Variants in RSPO3 observed in about 807,000 individuals in gnomAD.
RSPO3 encodes R-spondin-3.
A neutral mutation model predicts 36.5 loss-of-function variants in RSPO3; 17 were observed. The ratio of observed to expected loss-of-function variants is 0.47; its 90% confidence interval spans 0.32 to 0.70. RSPO3 has a LOEUF of 0.70. RSPO3 is among the 30% of genes least tolerant of loss of function. The pLI is 0.04. For missense variants in RSPO3, 294 were observed against 322.5 expected (o/e 0.91, Z 0.68); for synonymous variants, 108 against 107.0 (o/e 1.01, Z -0.06).
intron 1 of RSPO3, among the ~76,000 whole-genome samples, chr6:127,128,567 G>C (rs1218975378): frequency 6.6e-6 from 1 of 152,056 alleles, no homozygotes; most frequent in Non-Finnish European, 1.5e-5. Context: ...TGCCAGTTTT[G>C]GGAAGGCTAG....
intron 1 of RSPO3, among the ~76,000 whole-genome samples, chr6:127,140,133 T>A (rs998427894): frequency 6.6e-6 from 1 of 152,134 alleles, no homozygotes; most frequent in Admixed American, 6.6e-5. Context: ...ATTAAGATAC[T>A]AAAAGAAATA....
rs1773774771 is a variant in RSPO3, at chr6:127,118,979, G to A, written c.-214G>A. On this transcript the variant is annotated 5_prime_UTR_variant, in exon 1 of 5. Coordinates refer to ENST00000356698, the MANE Select transcript of RSPO3 (RefSeq NM_032784.5). ...CCCAGCGAAGCCGCCGCAGTTCAGT[G>A]CTTGGATAATTTGAAAGTACAATAG... 2.5e-6 allele frequency: 1 copy of A among 402,278 alleles called. No homozygotes were observed. The highest frequency in any genetic ancestry group is 4.4e-6 in the Non-Finnish European group (1 of 228,032). The allele number at this position is 402,278 out of a possible 1,614,324, so 24.9% of individuals were successfully genotyped here.
chr6:127,162,559 A>C (rs970946652), intron 4 of RSPO3, among the ~76,000 whole-genome samples: 3 of 152,190 alleles, frequency 2.0e-5, no homozygotes, highest in African/African-American at 7.2e-5. Flanking sequence ...ATAAAATCTG[A>C]GGCCAAGATA....
intron 1 of RSPO3, among the ~76,000 whole-genome samples, chr6:127,127,643 C>T (rs1000629615): frequency 2.6e-5 from 4 of 152,080 alleles, no homozygotes; most frequent in African/African-American, 9.7e-5. Flanking sequence ...TCATTGATCA[C>T]TCAAGGAATT....
rs188520053 is a variant in RSPO3 at position 127,141,794 on chromosome 6, C to T, written c.98-6854C>T. ...TTAATGTATGTACTTTTGAGTTTGA[C>T]GAAAGACCAATAGAATTTGTATGTA... On this transcript the variant is annotated intron_variant, in intron 1 of 4. Coordinates refer to ENST00000356698, the MANE Select transcript of RSPO3 (RefSeq NM_032784.5). Among the ~76,000 whole-genome samples the T allele has an allele frequency of 2.9e-3, 441 of 152,162 alleles. 2 individuals are homozygous for T. The highest frequency in any genetic ancestry group is 9.6e-3 in the African/African-American group (398 of 41,530).
chr6:127,141,928 T>C (rs1386583044), intron 1 of RSPO3, among the ~76,000 whole-genome samples: 2 of 152,104 alleles, frequency 1.3e-5, no homozygotes, highest in East Asian at 3.9e-4. Flanking sequence ...CAAACACATA[T>C]GTGCACATAT....
chr6:127,188,222 C>T (rs1309929348), intron 4 of RSPO3, among the ~76,000 whole-genome samples: 1 of 151,968 alleles, frequency 6.6e-6, no homozygotes, highest in Admixed American at 6.6e-5. Flanking sequence ...ATTTAAACAA[C>T]AGAGAAAAAA....
intron 1 of RSPO3, among the ~76,000 whole-genome samples, chr6:127,120,224 C>T (rs1365326050): frequency 6.6e-6 from 1 of 152,160 alleles, no homozygotes; most frequent in African/African-American, 2.4e-5. Flanking sequence ...TAGAATCTTC[C>T]CAAGATGAAG....
intron 1 of RSPO3, among the ~76,000 whole-genome samples, chr6:127,147,913 T>C (rs1047898682): frequency 4.6e-5 from 7 of 152,118 alleles, no homozygotes; most frequent in Non-Finnish European, 4.4e-5. Flanking sequence ...TCATATATGA[T>C]CCACATGGAA....
intron 1 of RSPO3, among the ~76,000 whole-genome samples, chr6:127,123,558 C>T (rs967577789): frequency 6.6e-6 from 1 of 152,058 alleles, no homozygotes; most frequent in East Asian, 1.9e-4. Flanking sequence ...GGTTGTTTCT[C>T]AAAATATCCC....
rs1405524194 is a variant in RSPO3, at chr6:127,138,006, T to A, written c.98-10642T>A. ...CAATTATTTGTGAAGATAATAATAA[T>A]GTAATACTGAAAGTGTGGTATTTAT... On this transcript the variant is annotated intron_variant, in intron 1 of 4. Transcript: ENST00000356698. 2.6e-5 allele frequency among the ~76,000 whole-genome samples: 4 copies of A among 152,216 alleles called. No individual in the cohort carries two copies. In the East Asian group the frequency reaches 5.8e-4, roughly 22 times the overall value.
chr6:127,197,472 G>T lies in RSPO3; in HGVS notation c.*1465G>T. On this transcript the variant is annotated 3_prime_UTR_variant, in exon 5 of 5. Coordinates refer to ENST00000356698, the MANE Select transcript of RSPO3 (RefSeq NM_032784.5). ...GAAGGCCTCACCAGTGTTTCACAGA[G>T]GACACAGCCCACCCCTTGCAGGAGG... The T allele has an allele frequency of 6.4e-7, 1 of 1,550,570 alleles. No homozygotes were observed. Among genetic ancestry groups the T allele is most frequent in the Non-Finnish European group, 8.7e-7 (1 of 1,146,968 alleles).
At position 127,197,596 on chromosome 6, in the gene RSPO3, G is replaced by T; in HGVS notation, c.*1589G>T. On this transcript the variant is annotated 3_prime_UTR_variant, in exon 5 of 5. Coordinates refer to ENST00000356698, the MANE Select transcript of RSPO3 (RefSeq NM_032784.5). ...GCTGCTCTGTCCACTGTGATTCCTAGCCCTCTCAAGATCACTGCTTTCTGA... is the reference window on the plus strand; with the variant it reads ...GCTGCTCTGTCCACTGTGATTCCTATCCCTCTCAAGATCACTGCTTTCTGA... The T allele has an allele frequency of 6.6e-7, 1 of 1,503,774 alleles. No individual in the cohort carries two copies. Among genetic ancestry groups the T allele is most frequent in the Non-Finnish European group, 8.9e-7 (1 of 1,124,718 alleles). 93.2% of individuals were successfully genotyped at this position (1,503,774 alleles called of 1,614,324 possible). A position where few individuals can be genotyped will look rare whatever the true frequency, so the allele number is the denominator to read the frequency against.
chr6:127,148,308 T>C (rs1774426040), intron 1 of RSPO3, among the ~76,000 whole-genome samples: 1 of 151,574 alleles, frequency 6.6e-6, no homozygotes, highest in African/African-American at 2.4e-5. Context: ...GAGGATATTA[T>C]ATATATGAAG....
intron 1 of RSPO3, among the ~76,000 whole-genome samples, chr6:127,139,820 T>C (rs1426672021): frequency 6.6e-6 from 1 of 152,094 alleles, no homozygotes; most frequent in African/African-American, 2.4e-5. Flanking sequence ...CATGGCCACT[T>C]GGAGAAGGGG....
At chr6:127,128,880 G>A (rs926580279) in intron 1 of RSPO3, among the ~76,000 whole-genome samples, 8 of 152,176 alleles carry the variant, frequency 5.3e-5, no homozygotes, top group Middle Eastern at 3.4e-3. Flanking sequence ...AAACCATGGG[G>A]GAGTGTCTTT....
intron 4 of RSPO3, among the ~76,000 whole-genome samples, chr6:127,193,508 T>C (rs1012367857): frequency 6.6e-6 from 1 of 152,180 alleles, no homozygotes; most frequent in African/African-American, 2.4e-5. Flanking sequence ...GTAGTTTTTA[T>C]GGAACTTTGG....
At chr6:127,138,541 G>A (rs896761496) in intron 1 of RSPO3, among the ~76,000 whole-genome samples, 3 of 152,144 alleles carry the variant, frequency 2.0e-5, no homozygotes, top group Non-Finnish European at 2.9e-5. Context: ...AACACAGGAT[G>A]AGTTTAGTGC....
At chr6:127,132,770 T>C (rs151019699) in intron 1 of RSPO3, among the ~76,000 whole-genome samples, 1 of 152,250 alleles carries the variant, frequency 6.6e-6, no homozygotes, top group Admixed American at 6.5e-5. Context: ...TTTCTGTGCT[T>C]TCCTGTTTGC....
Sources: gnomAD v4.1 joint callset for allele counts (sites outside exome capture counted in the v4.1 genomes callset) on GRCh38, gnomAD v4.1.1 for gene constraint, MANE v1.5 for transcripts, NCBI Gene and HGNC (gene_info 2026-07-23, HGNC 2026-07-21) for gene names.